Variants in PAX8 observed in about 807,000 individuals in gnomAD.
The protein encoded by PAX8 is paired box protein Pax-8.
A neutral mutation model predicts 52.4 loss-of-function variants in PAX8; 15 were observed. The ratio of observed to expected loss-of-function variants is 0.29; its 90% confidence interval spans 0.19 to 0.44. The LOEUF is 0.44. Among genes scored for constraint, PAX8 ranks in the 20% least tolerant of loss-of-function variants. PAX8 has a pLI of 1.00. For synonymous variants in PAX8, 284 were observed against 249.7 expected, an observed-to-expected ratio of 1.14 and a Z score of -1.29; for missense variants, 554 against 602.5, an observed-to-expected ratio of 0.92 and a Z score of 0.84.
chr2:113,224,190 G>A (rs1423233057), intron 10 of PAX8, among the ~76,000 whole-genome samples: 1 of 152,104 alleles, frequency 6.6e-6, no homozygotes, highest in African/African-American at 2.4e-5. Flanking sequence ...TAAAAGGATT[G>A]ATGGAAAGAT....
intron 9 of PAX8, among the ~76,000 whole-genome samples, chr2:113,229,096 G>A (rs1036229238): frequency 6.6e-6 from 1 of 152,176 alleles, no homozygotes; most frequent in Non-Finnish European, 1.5e-5. Context: ...TAGGCATTTG[G>A]AGCCAAGCCC....
intron 2 of PAX8, chr2:113,250,719 C>T (rs1691696389): frequency 6.6e-6 from 1 of 152,210 alleles, no homozygotes; most frequent in South Asian, 2.1e-4. Context: ...TTATGGTTTT[C>T]ATTTCTTTTC....
chr2:113,243,760 C>T lies in PAX8; in HGVS notation c.389+667G>A, dbSNP rs546806349. ...GCATAACTGTCTGAGCTCTTTTCACCTAGTTCTCTTATTGTTTTTTACTCA... is the reference window on the plus strand; with the variant it reads ...GCATAACTGTCTGAGCTCTTTTCACTTAGTTCTCTTATTGTTTTTTACTCA... On this transcript the variant is annotated intron_variant, in intron 4 of 11. Transcript: ENST00000429538. Among the ~76,000 whole-genome samples, 5 of 152,328 alleles carry T rather than the reference C, an allele frequency of 3.3e-5. No homozygotes were observed. In the East Asian group the frequency reaches 5.8e-4, roughly 18 times the overall value.
intron 10 of PAX8, chr2:113,226,657 AT>A: frequency 1.8e-6 from 2 of 1,092,946 alleles, no homozygotes; most frequent in Non-Finnish European, 2.2e-6. Context: ...TTTCATCATC[AT>A]CATCGTCATC....
At chr2:113,275,369 A>C (rs902178384) in intron 2 of PAX8, 1 of 152,240 alleles carries the variant, frequency 6.6e-6, no homozygotes, top group African/African-American at 2.4e-5. Flanking sequence ...TATGTTCCTC[A>C]AAGTTGCTTC....
intron 8 of PAX8, 53 bp from the exon 9 acceptor site, chr2:113,235,635 G>A (rs1205899221): frequency 1.4e-6 from 2 of 1,458,686 alleles, no homozygotes; most frequent in East Asian, 2.3e-5. Flanking sequence ...TGGCGGGGAG[G>A]GAACACGCAC....
At chr2:113,264,606 A>T (rs1692927765) in intron 2 of PAX8, among the ~76,000 whole-genome samples, 1 of 152,166 alleles carries the variant, frequency 6.6e-6, no homozygotes, top group South Asian at 2.1e-4. Flanking sequence ...GGTGCTGGGG[A>T]TAGAGAGAGA....
intron 3 of PAX8, 142 bp from the exon 4 acceptor site, chr2:113,244,766 C>T (rs1178518653): frequency 4.2e-5 from 32 of 770,668 alleles, no homozygotes; most frequent in Non-Finnish European, 5.8e-5. Flanking sequence ...TGGTCTCAAA[C>T]GCTTGATGTG....
At chr2:113,226,360 T>C (rs3748915) in intron 10 of PAX8, 130,824 of 985,346 alleles carry the variant, frequency 0.13, 9,474 homozygotes, top group South Asian at 0.26. Context: ...AATGGCTCAA[T>C]TATGTCTCAT....
At chr2:113,231,512 A>T (rs1042955045) in intron 9 of PAX8, among the ~76,000 whole-genome samples, 1 of 151,542 alleles carries the variant, frequency 6.6e-6, no homozygotes, top group Admixed American at 6.6e-5. Flanking sequence ...CACCAGGCGG[A>T]AATAAGTGAC....
intron 5 of PAX8, 84 bp downstream of exon 5, chr2:113,242,604 CTG>C (rs1412071909): frequency 1.1e-6 from 1 of 895,670 alleles, no homozygotes; most frequent in Non-Finnish European, 1.9e-6. Flanking sequence ...GTGGGTGTGT[CTG>C]TGTGTGCCTC....
At chr2:113,223,792 T>C (rs1218625863) in intron 10 of PAX8, among the ~76,000 whole-genome samples, 2 of 152,216 alleles carry the variant, frequency 1.3e-5, no homozygotes, top group Non-Finnish European at 2.9e-5. Context: ...CACCATTAGG[T>C]TATAAGCTCC....
intron 2 of PAX8, among the ~76,000 whole-genome samples, chr2:113,253,485 A>G (rs113564041): frequency 0.05 from 7,554 of 151,666 alleles, 276 homozygotes; most frequent in African/African-American, 0.11. Flanking sequence ...CTTCCACTCA[A>G]CCTCCTGCCA....
At chr2:113,263,758 G>A (rs1692857615) in intron 2 of PAX8, among the ~76,000 whole-genome samples, 1 of 152,140 alleles carries the variant, frequency 6.6e-6, no homozygotes, top group African/African-American at 2.4e-5. Flanking sequence ...CTCCACATGG[G>A]AAAGACTGTG....
chr2:113,246,541 CAAAG>C (rs1387625336), intron 3 of PAX8, among the ~76,000 whole-genome samples: 4 of 152,060 alleles, frequency 2.6e-5, no homozygotes, highest in African/African-American at 4.8e-5. Context: ...GATAAATGGA[CAAAG>C]AAAGAAGGAA....
intron 2 of PAX8, 152 bp downstream of exon 2, chr2:113,278,218 G>T: frequency 1.7e-6 from 1 of 605,358 alleles, no homozygotes; most frequent in Non-Finnish European, 2.9e-6. Context: ...GGCTCCAGCG[G>T]AGGGCCAGGC....
chr2:113,247,237 G>A (rs968202641), intron 2 of PAX8, among the ~76,000 whole-genome samples: 4 of 152,356 alleles, frequency 2.6e-5, no homozygotes, highest in African/African-American at 9.6e-5. Context: ...TCTGAAAAGT[G>A]TGTAAGGAAT....
In PAX8 at chr2:113,244,522, C is replaced by G. The variant is rs1319069401; in HGVS notation, c.294G>C (p.Gln98His). ...TCTCCCAGGCAAACATGGTAGGGTT[C>G]TGGCGTTTGTAGTCCCCAATCTTCT... ...VVEKIGDYKR[Q>H]NPTMFAWEIR... The change falls in exon 4 of 12, where the codon CAG becomes CAC. Residue 98 changes from glutamine to histidine, a missense_variant. Gln to His is a conservative substitution (Grantham distance 24). Transcript: ENST00000429538. The G allele has an allele frequency of 6.2e-7, 1 of 1,614,202 alleles. No individual in the cohort carries two copies. The highest frequency in any genetic ancestry group is 1.1e-5 in the South Asian group (1 of 91,086).
chr2:113,278,615 T>C (rs1321582751), intron 1 of PAX8, 146 bp from the exon 2 acceptor site: 2 of 757,330 alleles, frequency 2.6e-6, no homozygotes, highest in African/African-American at 3.5e-5. Context: ...AACCTCAGCC[T>C]AGCCTAGCTA....
Sources: gnomAD v4.1 joint callset for allele counts (sites outside exome capture counted in the v4.1 genomes callset) on GRCh38, gnomAD v4.1.1 for gene constraint, MANE v1.5 for transcripts, NCBI Gene and HGNC (gene_info 2026-07-23, HGNC 2026-07-21) for gene names.